The following ADGRE2 variants were observed in gnomAD, a reference collection of about 807,000 sequenced individuals.
ADGRE2 encodes the protein CD97 antigen.
ADGRE2 carries 83 observed loss-of-function variants against 100.8 expected under a neutral mutation model. That is an observed-to-expected ratio of 0.82 (90% CI 0.69 to 0.99). The LOEUF (loss-of-function observed/expected upper bound fraction) is 0.99, where lower values mean the gene tolerates loss of function less well. Ranked by LOEUF, ADGRE2 falls within the 50% of genes least tolerant of loss-of-function variation. The probability of loss-of-function intolerance (pLI) is 0.00; values close to 1 mark genes in which losing one functional copy is unlikely to be tolerated. For synonymous variants in ADGRE2, 355 were observed against 413.0 expected, an observed-to-expected ratio of 0.86 and a Z score of 1.70; for missense variants, 814 against 1,035.7, an observed-to-expected ratio of 0.79 and a Z score of 2.94.
intron 20 of ADGRE2, among the ~76,000 whole-genome samples, chr19:14,741,106 T>C (rs907985730): frequency 5.5e-4 from 82 of 150,418 alleles, no homozygotes; most frequent in African/African-American, 2.0e-3. Flanking sequence ...TTTTTTTTTT[T>C]TTTTTGGCAG....
chr19:14,737,240 T>C (rs1267241709), intron 20 of ADGRE2, among the ~76,000 whole-genome samples: 2 of 151,318 alleles, frequency 1.3e-5, no homozygotes, highest in African/African-American at 2.4e-5. Context: ...CAGTCTGGAG[T>C]GCAGTGGCAC....
intron 11 of ADGRE2, among the ~76,000 whole-genome samples, chr19:14,762,792 C>T (rs1171372515): frequency 6.6e-6 from 1 of 151,794 alleles, no homozygotes; most frequent in African/African-American, 2.4e-5. Flanking sequence ...TACAGGTGTG[C>T]ACCACCACGC....
intron 5 of ADGRE2, among the ~76,000 whole-genome samples, chr19:14,767,800 C>A (rs1239310046): frequency 6.6e-6 from 1 of 152,172 alleles, no homozygotes; most frequent in African/African-American, 2.4e-5. Context: ...CAGTCCTGGG[C>A]CAAAGGACAG....
At chr19:14,763,614 C>G (rs891686136) in intron 11 of ADGRE2, among the ~76,000 whole-genome samples, 109 of 145,036 alleles carry the variant, frequency 7.5e-4, no homozygotes, top group Non-Finnish European at 1.3e-3. Flanking sequence ...TCTCCTCCTC[C>G]TCCTGTGCTC....
intron 14 of ADGRE2, among the ~76,000 whole-genome samples, chr19:14,753,245 A>G (rs1034669428): frequency 6.6e-6 from 1 of 151,982 alleles, no homozygotes; most frequent in Non-Finnish European, 1.5e-5. Context: ...GAGAGTTGGC[A>G]GCTCTACAGC....
Position 14,776,779 on chromosome 19 carries a change from G to A in ADGRE2, c.-23C>T, listed in dbSNP as rs1401525792. On this transcript the variant is annotated 5_prime_UTR_variant, in exon 2 of 21. Transcript: ENST00000315576. The stretch of plus-strand genomic sequence containing the variant: ...CATGGTTCCAGCTGAGCTGCCGGCA[G>A]GAGCAGCAGGGGAAAGAGTGAGTGG... 5 of 1,612,966 alleles carry A rather than the reference G, an allele frequency of 3.1e-6. No homozygotes were observed. The East Asian group carries it at 6.7e-5, about 22-fold the overall frequency.
intron 11 of ADGRE2, among the ~76,000 whole-genome samples, chr19:14,756,678 GA>G (rs2043512576): frequency 6.6e-6 from 1 of 152,098 alleles, no homozygotes; most frequent in South Asian, 2.1e-4. Context: ...AATAGCTTAA[GA>G]AAGAATGAAC....
chr19:14,774,798 C>G (rs1309882975), intron 2 of ADGRE2, among the ~76,000 whole-genome samples: 1 of 147,588 alleles, frequency 6.8e-6, no homozygotes, highest in Non-Finnish European at 1.5e-5. Context: ...CTCAACCTCC[C>G]AAATAGCTGG....
At chr19:14,773,060 GAC>G (rs1185934198) in intron 4 of ADGRE2, among the ~76,000 whole-genome samples, 2 of 117,042 alleles carry the variant, frequency 1.7e-5, no homozygotes, top group African/African-American at 6.8e-5. Flanking sequence ...CAGCCTGAGC[GAC>G]AGAGTGAGAC....
downstream of ADGRE2, among the ~76,000 whole-genome samples, chr19:14,728,028 C>G (rs1262747402): frequency 6.6e-6 from 1 of 152,180 alleles, no homozygotes; most frequent in Non-Finnish European, 1.5e-5. Flanking sequence ...CGAGACCATC[C>G]TGGCTAACAC....
chr19:14,766,924 C>T, intron 6 of ADGRE2, 54 bp downstream of exon 6: 2 of 1,579,398 alleles, frequency 1.3e-6, no homozygotes, highest in Admixed American at 3.6e-5. Context: ...GGACCTGACT[C>T]AGCTCCATCC....
chr19:14,756,147 C>T (rs2043494371), intron 12 of ADGRE2, 91 bp downstream of exon 12: 3 of 1,065,674 alleles, frequency 2.8e-6, no homozygotes, highest in African/African-American at 3.1e-5. Context: ...CCACACTTCC[C>T]TTTAATCTTT....
chr19:14,726,755 T>C, the ADGRE2 span, among the ~76,000 whole-genome samples: 5 of 152,284 alleles, frequency 3.3e-5, no homozygotes, highest in African/African-American at 1.2e-4. Context: ...CAGTTCCCAG[T>C]AAGTTCCTCA....
At chr19:14,726,715 G>A in the ADGRE2 span, among the ~76,000 whole-genome samples, 35 of 152,252 alleles carry the variant, frequency 2.3e-4, no homozygotes, top group African/African-American at 8.4e-4. Context: ...CAGGTCCTTT[G>A]CCAGGGAATA....
chr19:14,765,692 TC>T lies in ADGRE2; in HGVS notation c.746del (p.Gly249GlufsTer14), dbSNP rs1435681718. 6.2e-7 allele frequency: 1 copy of T among 1,613,002 alleles called. No individual in the cohort carries two copies. Among genetic ancestry groups the T allele is most frequent in the Non-Finnish European group, 8.5e-7 (1 of 1,179,338 alleles). ...CAGTGTCCTTTTGGTTATTCGGGAT[TC>T]CGTGTCTGGGCTTCCAGCCTGGGCG... ...RCRPGWKPRH[G>X]IPNNQKDTVC... On this transcript the variant is annotated frameshift_variant, in exon 8 of 21. Transcript: ENST00000315576. LOFTEE classifies it high-confidence loss of function.
intron 11 of ADGRE2, among the ~76,000 whole-genome samples, chr19:14,763,424 T>A (rs2043803465): frequency 6.6e-6 from 1 of 152,056 alleles, no homozygotes; most frequent in South Asian, 2.1e-4. Context: ...GATATTAATT[T>A]ATAGTATTCC....
intron 20 of ADGRE2, among the ~76,000 whole-genome samples, chr19:14,740,202 GTCA>G (rs1044850893): frequency 2.0e-5 from 3 of 151,720 alleles, no homozygotes; most frequent in Admixed American, 6.6e-5. Flanking sequence ...TTTACAATGT[GTCA>G]TCATGATGAC....
chr19:14,770,149 G>A (rs2044144955), intron 5 of ADGRE2, among the ~76,000 whole-genome samples: 1 of 152,106 alleles, frequency 6.6e-6, no homozygotes, highest in Non-Finnish European at 1.5e-5. Context: ...CGTGGGAGGT[G>A]TTTGGGTCCT....
Position 14,764,525 on chromosome 19 carries a change from C to G in ADGRE2, c.992G>C (p.Ser331Thr). 1.9e-6 allele frequency: 3 copies of G among 1,613,086 alleles called. No individual in the cohort carries two copies. The highest frequency in any genetic ancestry group is 1.7e-6 in the Non-Finnish European group (2 of 1,179,968). Residue 331 changes from serine (S) to threonine (T), a missense_variant, in exon 11 of 21, where the codon AGT (serine) becomes ACT (threonine). Physicochemically the swap from Ser to Thr is moderately conservative, Grantham distance 58. Transcript: ENST00000315576. ...LPRLQQHCVA[S>T]HLLDGLEDVL... The stretch of plus-strand genomic sequence containing the variant: ...ATCCTCTAGGCCATCCAGCAGGTGA[C>G]TGGCCACACAGTGCTGCTGTAAGCG...
Sources: gnomAD v4.1 joint callset for allele counts (sites outside exome capture counted in the v4.1 genomes callset) on GRCh38, gnomAD v4.1.1 for gene constraint, MANE v1.5 for transcripts, NCBI Gene and HGNC (gene_info 2026-07-23, HGNC 2026-07-21) for gene names.